DLL4: variants seen among roughly 807,000 people sequenced by gnomAD.
The protein encoded by DLL4 is delta like canonical Notch ligand 4.
Under a neutral mutation model 73.6 loss-of-function variants are expected in DLL4, and 7 were observed. That is an observed-to-expected ratio of 0.10 (90% CI 0.05 to 0.18). The LOEUF is 0.18. DLL4 is among the 10% of genes least tolerant of loss of function. DLL4 has a pLI of 1.00. For missense variants in DLL4, 614 were observed against 929.9 expected, an observed-to-expected ratio of 0.66 and a Z score of 4.42; for synonymous variants, 345 against 374.3, an observed-to-expected ratio of 0.92 and a Z score of 0.90.
In DLL4 at chr15:40,936,356, G is replaced by T; in HGVS notation, c.1369G>T (p.Asp457Tyr). 1 of 1,610,978 alleles carries T rather than the reference G, an allele frequency of 6.2e-7. No homozygotes were observed. The part of the protein sequence containing the change: ...NPCAHGGTCH[D>Y]LENGLMCTCP... Reference sequence around the variant, plus strand: ...TTGCGCCCACGGTGGCACTTGCCATGACCTGGAGAATGGGCTCATGTGCAC... The same window carrying T: ...TTGCGCCCACGGTGGCACTTGCCATTACCTGGAGAATGGGCTCATGTGCAC... The change falls in exon 9 of 11, where the codon GAC becomes TAC. Residue 457 changes from aspartate to tyrosine, a missense_variant. Transcript: ENST00000249749.
rs768496488 is a variant in DLL4 at position 40,934,591 on chromosome 15, A to G, written c.894A>G (p.Ala298=). ...ACCACTCCCCATGCAAGAATGGGGC[A>G]ACGTGCTCCAACAGTGGGCAGCGAA... ...CTHHSPCKNG[A]TCSNSGQRSY... Residue 298 remains alanine, a synonymous_variant, in exon 7 of 11, where the codon GCA becomes GCG. Transcript: ENST00000249749. 6.2e-7 allele frequency: 1 copy of G among 1,613,898 alleles called. No individual in the cohort carries two copies. Among genetic ancestry groups the G allele is most frequent in the Non-Finnish European group, 8.5e-7 (1 of 1,179,864 alleles).
In DLL4 at chr15:40,936,848, C is replaced by T; in HGVS notation, c.1861C>T (p.Pro621Ser). 6.2e-7 allele frequency: 1 copy of T among 1,613,240 alleles called. No homozygotes were observed. The highest frequency in any genetic ancestry group is 8.5e-7 in the Non-Finnish European group (1 of 1,179,822). Reference sequence around the variant, plus strand: ...ATTGGACTATAATCTGGCCCCAGGGCCCCTGGGGCGGGGGACCATGCCAGG... The same window carrying T: ...ATTGGACTATAATCTGGCCCCAGGGTCCCTGGGGCGGGGGACCATGCCAGG... ...HTLDYNLAPG[P>S]LGRGTMPGKF... is the part of the protein sequence containing the mutation. Residue 621 changes from proline to serine, a missense_variant, in exon 9 of 11, where the codon CCC (proline) becomes TCC (serine). Coordinates refer to ENST00000249749, the MANE Select transcript of DLL4 (RefSeq NM_019074.4).
In DLL4 at chr15:40,929,777, G is replaced by C; in HGVS notation, c.66+43G>C. On this transcript the variant is annotated intron_variant, in intron 1 of 10. Coordinates refer to ENST00000249749, the MANE Select transcript of DLL4 (RefSeq NM_019074.4). The surrounding 1 kb of genome is among the most constrained non-coding windows in gnomAD (Gnocchi z 7.1). ...CTCTCCGTCCCCTCTGCCGCGCTCTGGGCCTCAGCCCCGGGCACCAGCTGA... is the reference window on the plus strand; with the variant it reads ...CTCTCCGTCCCCTCTGCCGCGCTCTCGGCCTCAGCCCCGGGCACCAGCTGA... 6.2e-7 allele frequency: 1 copy of C among 1,605,436 alleles called. No individual in the cohort carries two copies. The highest frequency in any genetic ancestry group is 8.5e-7 in the Non-Finnish European group (1 of 1,178,638).
chr15:40,935,953 A>T (rs1006583898), intron 8 of DLL4, among the ~76,000 whole-genome samples: 1 of 152,272 alleles, frequency 6.6e-6, no homozygotes, highest in African/African-American at 2.4e-5. Flanking sequence ...CTCAGGCCAC[A>T]GAGTGACAGC....
Position 40,930,324 on chromosome 15 carries a change from TC to T in DLL4, c.336+211del. 1 of 696,398 alleles carries T rather than the reference TC, an allele frequency of 1.4e-6. No individual in the cohort carries two copies. Among genetic ancestry groups the T allele is most frequent in the Non-Finnish European group, 2.4e-6 (1 of 422,330 alleles). 43.1% of individuals were successfully genotyped at this position (696,398 alleles called of 1,614,324 possible). On this transcript the variant is annotated intron_variant, in intron 2 of 10. Coordinates refer to ENST00000249749, the MANE Select transcript of DLL4 (RefSeq NM_019074.4). The surrounding 1 kb of genome is among the most constrained non-coding windows in gnomAD (Gnocchi z 5.7). ...GTCTCCGTCTTCCCAGTTTATGTCC[TC>T]CCGTCCCCAGCTCTTGGGACACGAT...
chr15:40,939,066 G>A lies in DLL4; in HGVS notation c.*1032G>A, dbSNP rs969653456. The A allele has an allele frequency of 6.6e-6, 1 of 151,028 alleles. No homozygotes were observed. Among genetic ancestry groups the A allele is most frequent in the Non-Finnish European group, 1.5e-5 (1 of 67,912 alleles). 9.4% of individuals were successfully genotyped at this position (151,028 alleles called of 1,614,324 possible). ...TGTATTTATAATATGAAACAGATGT[G>A]TACAGGAGTTTATTACTTATTGGGT... On this transcript the variant is annotated 3_prime_UTR_variant, in exon 11 of 11. Transcript: ENST00000249749.
rs751565673 is a variant in DLL4, at chr15:40,936,922, G to T, written c.1935G>T (p.Arg645=). 1 of 1,597,592 alleles carries T rather than the reference G, an allele frequency of 6.3e-7. No homozygotes were observed. The highest frequency in any genetic ancestry group is 1.1e-5 in the South Asian group (1 of 89,006). The change falls in exon 9 of 11, where the codon CGG becomes CGT. Residue 645 remains arginine (R), a synonymous_variant. Transcript: ENST00000249749. ...DKSLGEKAPL[R]LHSEKPECRI... is the part of the protein sequence containing the mutation. ...GCTTAGGAGAGAAGGCGCCACTGCG[G>T]TTACACAGGTGAGTGGCACCCAGAA...
At position 40,936,649 on chromosome 15, in the gene DLL4, G is replaced by A. The variant is rs1892849905; in HGVS notation, c.1662G>A (p.Gln554=). The A allele has an allele frequency of 1.2e-6, 2 of 1,611,356 alleles. No homozygotes were observed. The highest frequency in any genetic ancestry group is 1.6e-4 in the Middle Eastern group (1 of 6,080). Residue 554 remains glutamine, a synonymous_variant, in exon 9 of 11, where the codon CAG becomes CAA. Coordinates refer to ENST00000249749, the MANE Select transcript of DLL4 (RefSeq NM_019074.4). ...LLGMVAVAVR[Q]LRLRRPDDGS... is the part of the protein sequence containing the mutation. ...GCATGGTGGCAGTGGCTGTGCGGCA[G>A]CTGCGGCTTCGACGGCCGGACGACG...
chr15:40,936,400 T>C lies in DLL4; in HGVS notation c.1413T>C (p.Ser471=), dbSNP rs942527179. ...GLMCTCPAGF[S]GRRCEVRTSI... ...TGTGCACCTGCCCTGCCGGCTTCTC[T>C]GGCCGACGCTGTGAGGTGCGGACAT... Residue 471 remains serine (S), a synonymous_variant, in exon 9 of 11, where the codon TCT becomes TCC. Transcript: ENST00000249749. 1.9e-6 allele frequency: 3 copies of C among 1,611,748 alleles called. No individual in the cohort carries two copies. Among genetic ancestry groups the C allele is most frequent in the Admixed American group, 1.7e-5 (1 of 59,844 alleles).
At position 40,934,895 on chromosome 15, in the gene DLL4, C is replaced by T. The variant is rs2140370809; in HGVS notation, c.1021-3C>T. The T allele has an allele frequency of 6.2e-7, 1 of 1,613,364 alleles. No individual in the cohort carries two copies. The highest frequency in any genetic ancestry group is 2.2e-5 in the East Asian group (1 of 44,876). ...CTTTGGCCCCTTTATGGTCTCTCTC[C>T]AGGACCAGGAGGATGGCTACCACTG... On this transcript the variant is annotated splice_region_variant and splice_polypyrimidine_tract_variant and intron_variant, in intron 7 of 10. Coordinates refer to ENST00000249749, the MANE Select transcript of DLL4 (RefSeq NM_019074.4).
rs1287906981 is a variant in DLL4 at position 40,938,241 on chromosome 15, T to C, written c.*207T>C. On this transcript the variant is annotated 3_prime_UTR_variant, in exon 11 of 11. Transcript: ENST00000249749. ...CTTTGGGTGTCTGTCTGGCATCAGA[T>C]TGGCAGCTGCACCAACCAGAGGAAC... 2.7e-5 allele frequency: 13 copies of C among 475,356 alleles called. No individual in the cohort carries two copies. Among genetic ancestry groups the C allele is most frequent in the Non-Finnish European group, 4.7e-5 (13 of 276,562 alleles). 29.4% of individuals were successfully genotyped at this position (475,356 alleles called of 1,614,324 possible).
At position 40,937,307 on chromosome 15, in the gene DLL4, T is replaced by C. The variant is rs559486631; in HGVS notation, c.1944-111T>C. The C allele has an allele frequency of 3.0e-4, 241 of 796,074 alleles. No homozygotes were observed. In the African/African-American group the frequency reaches 3.5e-3, roughly 11 times the overall value. 49.3% of individuals were successfully genotyped at this position (796,074 alleles called of 1,614,324 possible). On this transcript the variant is annotated intron_variant, in intron 9 of 10. Coordinates refer to ENST00000249749, the MANE Select transcript of DLL4 (RefSeq NM_019074.4). ...CCCAGCACTGGGCACGTCCAGCCCC[T>C]GTGTCTTCCCCAAGAACCACCCTGC...
Position 40,930,156 on chromosome 15 carries a change from G to T in DLL4, c.336+40G>T, listed in dbSNP as rs1294822864. 1 of 1,586,794 alleles carries T rather than the reference G, an allele frequency of 6.3e-7. No homozygotes were observed. The highest frequency in any genetic ancestry group is 8.6e-7 in the Non-Finnish European group (1 of 1,167,136). On this transcript the variant is annotated intron_variant, in intron 2 of 10. Coordinates refer to ENST00000249749, the MANE Select transcript of DLL4 (RefSeq NM_019074.4). This position sits in a 1 kb window ranked among gnomAD's most constrained non-coding sequence, Gnocchi z 5.7. ...GGCGCACTGGGAGGTCGCAGAAGCC[G>T]AGAGAGGAGGCGCCCTGGGACCAAA... is the stretch of plus-strand genomic sequence containing the variant.
chr15:40,931,093 CCCA>C (rs1892763526), intron 3 of DLL4: 1 of 368,822 alleles, frequency 2.7e-6, no homozygotes, highest in South Asian at 4.2e-5. Context: ...AAAACCATTA[CCCA>C]CCTCTGGAGG....
Position 40,930,720 on chromosome 15 carries a change from G to A in DLL4, c.394+38G>A, listed in dbSNP as rs1296994484. Reference sequence around the variant, plus strand: ...CTCCGCCACCACAGGGGGGCGACACGGCGCAGCGCCGAAAGAGTTAATCTG... The same window carrying A: ...CTCCGCCACCACAGGGGGGCGACACAGCGCAGCGCCGAAAGAGTTAATCTG... On this transcript the variant is annotated intron_variant, in intron 3 of 10. Transcript: ENST00000249749. The surrounding 1 kb of genome is among the most constrained non-coding windows in gnomAD (Gnocchi z 5.7). 6.2e-7 allele frequency: 1 copy of A among 1,602,648 alleles called. No homozygotes were observed. Among genetic ancestry groups the A allele is most frequent in the Non-Finnish European group, 8.5e-7 (1 of 1,170,602 alleles).
intron 3 of DLL4, 199 bp from the exon 4 acceptor site, chr15:40,931,304 G>A (rs898865738): frequency 3.6e-5 from 22 of 619,208 alleles, no homozygotes; most frequent in Non-Finnish European, 2.8e-6. Flanking sequence ...CCCTGCACAT[G>A]CACACACGTA....
rs778222660 is a variant in DLL4 at position 40,930,016 on chromosome 15, T to C, written c.236T>C (p.Val79Ala). 1 of 1,612,754 alleles carries C rather than the reference T, an allele frequency of 6.2e-7. No homozygotes were observed. Among genetic ancestry groups the C allele is most frequent in the Non-Finnish European group, 8.5e-7 (1 of 1,179,632 alleles). Residue 79 changes from valine to alanine, a missense_variant, in exon 2 of 11, where the codon GTC becomes GCC. By Grantham distance (64) the Val-to-Ala change is moderately conservative (BLOSUM62 0). Transcript: ENST00000249749. The surrounding 1 kb of genome is among the most constrained non-coding windows in gnomAD (Gnocchi z 5.7). The part of the protein sequence containing the change: ...VSPGPCTFGT[V>A]STPVLGTNSF... ...CCCGGACCCTGCACCTTCGGGACCG[T>C]CTCCACGCCGGTATTGGGCACCAAC...
At chr15:40,935,920 C>T (rs1331680197) in intron 8 of DLL4, among the ~76,000 whole-genome samples, 4 of 152,216 alleles carry the variant, frequency 2.6e-5, no homozygotes, top group African/African-American at 7.2e-5. Flanking sequence ...CTTAGAGACA[C>T]GGTTAAGCAG....
At chr15:40,936,122 A>G (rs1892840578) in intron 8 of DLL4, 106 bp from the exon 9 acceptor site, 1 of 912,338 alleles carries the variant, frequency 1.1e-6, no homozygotes, top group Non-Finnish European at 1.6e-6. Context: ...TGGGCTCTGC[A>G]GGTGGAGGTA....
Sources: gnomAD v4.1 joint callset for allele counts (sites outside exome capture counted in the v4.1 genomes callset) on GRCh38, gnomAD v4.1.1 for gene constraint, Gnocchi (gnomAD v3.1) non-coding constraint, MANE v1.5 for transcripts, NCBI Gene and HGNC (gene_info 2026-07-23, HGNC 2026-07-21) for gene names.